The following RNF38 variants were observed in gnomAD, a reference collection of about 807,000 sequenced individuals.
RNF38 encodes E3 ubiquitin-protein ligase RNF38.
RNF38 carries 15 observed loss-of-function variants against 67.2 expected under a neutral mutation model. The observed-to-expected ratio is 0.22, with a 90% CI of 0.15 to 0.34. RNF38 has a LOEUF of 0.34. Among genes scored for constraint, RNF38 ranks in the 10% least tolerant of loss-of-function variants. RNF38 has a pLI of 1.00. For synonymous variants in RNF38, 220 were observed against 218.8 expected (o/e 1.01, Z -0.05); for missense variants, 524 against 639.9 (o/e 0.82, Z 1.95).
chr9:36,416,667 GTAAGA>G (rs1564054409), intron 2 of RNF38, among the ~76,000 whole-genome samples: 2 of 150,858 alleles, frequency 1.3e-5, no homozygotes, highest in South Asian at 2.1e-4. Context: ...AGAACCCCTG[GTAAGA>G]TAAAAGTCAG....
intron 2 of RNF38, among the ~76,000 whole-genome samples, chr9:36,412,311 T>C (rs1838345757): frequency 6.6e-6 from 1 of 152,234 alleles, no homozygotes; most frequent in African/African-American, 2.4e-5. Context: ...TTAAATGTTC[T>C]TTCCATGACC....
In RNF38 at chr9:36,387,412, T is replaced by C. The variant is rs1001730542; in HGVS notation, c.162+3055A>G. Among the ~76,000 whole-genome samples the C allele has an allele frequency of 1.5e-4, 23 of 152,344 alleles. No homozygotes were observed. The East Asian group carries it at 4.2e-3, about 28-fold the overall frequency. ...TGGTTGTGCCAGATATAAAATTATT[T>C]CACCATGTACTTAATTACCTTTTGA... On this transcript the variant is annotated intron_variant, in intron 2 of 11. Transcript: ENST00000259605.
chr9:36,449,423 CCTAT>C (rs1417688737), intron 1 of RNF38, among the ~76,000 whole-genome samples: 1 of 151,614 alleles, frequency 6.6e-6, no homozygotes, highest in Non-Finnish European at 1.5e-5. Flanking sequence ...AGAGTGAGAC[CCTAT>C]CTCTCTCTTT....
intron 1 of RNF38, among the ~76,000 whole-genome samples, chr9:36,392,660 G>T (rs1001475991): frequency 6.6e-6 from 1 of 152,172 alleles, no homozygotes; most frequent in Non-Finnish European, 1.5e-5. Flanking sequence ...AGCTACTCAG[G>T]AGGCTAAGGC....
chr9:36,419,181 C>T (rs571794151), intron 2 of RNF38, among the ~76,000 whole-genome samples: 1 of 152,214 alleles, frequency 6.6e-6, no homozygotes, highest in South Asian at 2.1e-4. Context: ...CAGTATATAA[C>T]GCAAATATAC....
At chr9:36,477,658 TA>T (rs1244749052) in intron 1 of RNF38, among the ~76,000 whole-genome samples, 1 of 149,846 alleles carries the variant, frequency 6.7e-6, no homozygotes, top group Non-Finnish European at 1.5e-5. Context: ...CCATCCCTAC[TA>T]AAAAATACAA....
intron 1 of RNF38, among the ~76,000 whole-genome samples, chr9:36,444,674 C>T (rs928072126): frequency 8.5e-5 from 13 of 152,116 alleles, no homozygotes; most frequent in African/African-American, 3.1e-4. Context: ...GTGGTGCACA[C>T]CTATAGTCCC....
intron 4 of RNF38, among the ~76,000 whole-genome samples, chr9:36,366,065 T>G (rs902463996): frequency 6.6e-6 from 1 of 152,106 alleles, no homozygotes; most frequent in African/African-American, 2.4e-5. Context: ...TCAAAAACAG[T>G]AGCATAAACC....
rs994740166 is a variant in RNF38, at chr9:36,356,405, A to G, written c.807T>C (p.Ser269=). ...PYAAFPPLIS[S]DPFLIHPPHL... ...GAGGAGGATGTATAAGAAATGGATC[A>G]CTAGAAATAAGGGGTGGGAATGCAG... The change falls in exon 6 of 12, where the codon AGT becomes AGC. Residue 269 remains serine (S), a synonymous_variant. Coordinates refer to ENST00000259605, the MANE Select transcript of RNF38 (RefSeq NM_022781.5). 2.5e-6 allele frequency: 4 copies of G among 1,613,828 alleles called. No homozygotes were observed. Among genetic ancestry groups the G allele is most frequent in the African/African-American group, 1.3e-5 (1 of 74,888 alleles).
intron 1 of RNF38, among the ~76,000 whole-genome samples, chr9:36,487,017 G>C (rs936521690): frequency 6.6e-6 from 1 of 152,090 alleles, no homozygotes; most frequent in African/African-American, 2.4e-5. Context: ...CCTTGGGCAA[G>C]TCACTTCCCC....
chr9:36,411,488 C>T (rs1587630044), intron 2 of RNF38, among the ~76,000 whole-genome samples: 1 of 152,288 alleles, frequency 6.6e-6, no homozygotes, highest in East Asian at 1.9e-4. Context: ...CAACATTATT[C>T]ACAATAGCCA....
intron 2 of RNF38, among the ~76,000 whole-genome samples, chr9:36,408,428 A>ACAG (rs1335920685): frequency 6.6e-6 from 1 of 152,178 alleles, no homozygotes; most frequent in Non-Finnish European, 1.5e-5. Context: ...AGCCCTATGG[A>ACAG]CAGCAGTACG....
intron 1 of RNF38, among the ~76,000 whole-genome samples, chr9:36,445,055 C>A (rs1219933785): frequency 6.6e-6 from 1 of 151,720 alleles, no homozygotes; most frequent in African/African-American, 2.4e-5. Context: ...GGACCCAGAA[C>A]ACCTGGAGCC....
rs1262215103 is a variant in RNF38, at chr9:36,376,132, C to T, written c.163-5G>A. ...AGGACTTGGACTATCTTCACTCTGC[C>T]AATGCAACAAAATGGATCAACTGAG... On this transcript the variant is annotated splice_region_variant and splice_polypyrimidine_tract_variant and intron_variant, in intron 2 of 11. Transcript: ENST00000259605. 4 of 1,550,666 alleles carry T rather than the reference C, an allele frequency of 2.6e-6. No individual in the cohort carries two copies. The highest frequency in any genetic ancestry group is 2.8e-5 in the African/African-American group (2 of 71,462).
intron 4 of RNF38, among the ~76,000 whole-genome samples, chr9:36,358,170 T>C (rs1162993681): frequency 6.6e-6 from 1 of 152,162 alleles, no homozygotes; most frequent in Non-Finnish European, 1.5e-5. Context: ...CTCCCTCAAA[T>C]GACTTGAAAA....
chr9:36,352,817 G>A lies in RNF38; in HGVS notation c.1103C>T (p.Thr368Ile), dbSNP rs1243457577. 4.3e-6 allele frequency: 7 copies of A among 1,613,862 alleles called. No homozygotes were observed. Among genetic ancestry groups the A allele is most frequent in the African/African-American group, 1.3e-5 (1 of 74,908 alleles). The change falls in exon 8 of 12, where the codon ACA (threonine) becomes ATA (isoleucine). Residue 368 changes from threonine (T) to isoleucine (I), a missense_variant. Physicochemically the swap from Thr to Ile is moderately conservative, Grantham distance 89. Coordinates refer to ENST00000259605, the MANE Select transcript of RNF38 (RefSeq NM_022781.5). ...PYPPFMPRRLTGRSRYRSQQP... is the reference protein window; with the variant it reads ...PYPPFMPRRLIGRSRYRSQQP... ...CTGGGATCGGTATCTACTACGTCCT[G>A]TAAGCCTCCGAGGCATAAATGGAGG...
At chr9:36,392,501 C>T (rs573056933) in intron 1 of RNF38, among the ~76,000 whole-genome samples, 10 of 152,206 alleles carry the variant, frequency 6.6e-5, no homozygotes, top group Admixed American at 2.6e-4. Flanking sequence ...CTTTGGGAGG[C>T]CCTGGTGAGA....
At chr9:36,345,989 A>G (rs985176505) in intron 9 of RNF38, among the ~76,000 whole-genome samples, 1 of 152,208 alleles carries the variant, frequency 6.6e-6, no homozygotes, top group Non-Finnish European at 1.5e-5. Context: ...TTAGCAGCCA[A>G]TGATGGAATA....
At chr9:36,357,634 A>T (rs1834226205) in intron 5 of RNF38, 141 bp downstream of exon 5, 1 of 537,000 alleles carries the variant, frequency 1.9e-6, no homozygotes, top group Non-Finnish European at 3.2e-6. Context: ...GTGAAACTAC[A>T]AAGACAGTCT....
Sources: gnomAD v4.1 joint callset for allele counts (sites outside exome capture counted in the v4.1 genomes callset) on GRCh38, gnomAD v4.1.1 for gene constraint, MANE v1.5 for transcripts, NCBI Gene and HGNC (gene_info 2026-07-23, HGNC 2026-07-21) for gene names.